The following FTO variants were observed in gnomAD, a reference collection of about 807,000 sequenced individuals.
FTO encodes the protein alpha-ketoglutarate-dependent dioxygenase FTO.
FTO carries 47 observed loss-of-function variants against 63.9 expected under a neutral mutation model. The observed-to-expected ratio is 0.74, with a 90% confidence interval of 0.58 to 0.94. The LOEUF (loss-of-function observed/expected upper bound fraction) is 0.94, where lower values mean the gene tolerates loss of function less well. FTO is among the 40% of genes least tolerant of loss of function. The probability of loss-of-function intolerance (pLI) is 0.00; values close to 1 mark genes in which losing one functional copy is unlikely to be tolerated. For synonymous variants in FTO, 207 were observed against 224.4 expected (o/e 0.92, Z 0.69); for missense variants, 562 against 618.1 (o/e 0.91, Z 0.96).
chr16:54,032,339 T>C (rs75288037), intron 8 of FTO, among the ~76,000 whole-genome samples: 3,678 of 152,266 alleles, frequency 0.024, 165 homozygotes, highest in African/African-American at 0.083. Context: ...TTCTCTGATA[T>C]CAAACCCAGA....
At chr16:53,796,452 A>G (rs1286694168) in intron 1 of FTO, among the ~76,000 whole-genome samples, 2 of 152,244 alleles carry the variant, frequency 1.3e-5, no homozygotes, top group Non-Finnish European at 2.9e-5. Flanking sequence ...TTGTTCTAAA[A>G]TGAATATAAA....
In FTO at chr16:53,790,789, T is replaced by TA. The variant is rs148398794; in HGVS notation, c.46-19351_46-19350insA. 7.3e-3 allele frequency among the ~76,000 whole-genome samples: 1,112 copies of TA among 152,220 alleles called. 12 individuals carry two copies. Among genetic ancestry groups the TA allele is most frequent in the African/African-American group, 0.025 (1,037 of 41,536 alleles). On this transcript the variant is annotated intron_variant, in intron 1 of 8. Coordinates refer to ENST00000471389, the MANE Select transcript of FTO (RefSeq NM_001080432.3). ...ATGAACTCATTTTAAGAAGATGAGATTGCCTAAAGGAAGAATGTTTTGTAG... is the reference window on the plus strand; with the variant it reads ...ATGAACTCATTTTAAGAAGATGAGATATGCCTAAAGGAAGAATGTTTTGTAG...
At chr16:53,994,171 C>G (rs2083878844) in intron 8 of FTO, 1 of 152,270 alleles carries the variant, frequency 6.6e-6, no homozygotes, top group Non-Finnish European at 1.5e-5. Context: ...AAAGTCCTTA[C>G]ATGCGTTTCA....
In FTO at chr16:54,028,356, C is replaced by T. The variant is rs867505932; in HGVS notation, c.1365-83406C>T. ...CCAGGATCCTCCCTCCTCCTCTCAC[C>T]GTTTTCAGAATATGTTGGGTGGAGT... On this transcript the variant is annotated intron_variant, in intron 8 of 8. Coordinates refer to ENST00000471389, the MANE Select transcript of FTO (RefSeq NM_001080432.3). 7.9e-5 allele frequency among the ~76,000 whole-genome samples: 12 copies of T among 152,240 alleles called. No individual in the cohort carries two copies. In the South Asian group the frequency reaches 8.3e-4, roughly 11 times the overall value.
intron 3 of FTO, among the ~76,000 whole-genome samples, chr16:53,833,560 A>ACG (rs2079200941): frequency 6.6e-6 from 1 of 152,064 alleles, no homozygotes; most frequent in Non-Finnish European, 1.5e-5. Context: ...TTGTGTGTAT[A>ACG]CTTTTTTTGT....
chr16:53,860,714 C>T (rs557296856), intron 4 of FTO, among the ~76,000 whole-genome samples: 26 of 152,074 alleles, frequency 1.7e-4, no homozygotes, highest in African/African-American at 4.1e-4. Context: ...CATGAGAAAC[C>T]GCCATGATCC....
intron 2 of FTO, among the ~76,000 whole-genome samples, chr16:53,819,986 A>G (rs9925952): frequency 0.77 from 116,433 of 151,216 alleles, 44,892 homozygotes; most frequent in African/African-American, 0.83. Context: ...GCTATAACAG[A>G]TACTAATGCT....
chr16:54,085,815 G>A (rs1005365578), intron 8 of FTO, among the ~76,000 whole-genome samples: 2 of 152,094 alleles, frequency 1.3e-5, no homozygotes, highest in South Asian at 2.1e-4. Flanking sequence ...GTTATTCACC[G>A]CACCCTCTCT....
At chr16:53,858,440 T>C (rs1034910134) in intron 4 of FTO, among the ~76,000 whole-genome samples, 3 of 152,218 alleles carry the variant, frequency 2.0e-5, no homozygotes, top group Admixed American at 1.3e-4. Context: ...GAGCTTTGGC[T>C]AGTTTTGTAA....
At chr16:53,765,899 T>C (rs1364533929) in intron 1 of FTO, among the ~76,000 whole-genome samples, 2 of 152,168 alleles carry the variant, frequency 1.3e-5, no homozygotes, top group African/African-American at 2.4e-5. Flanking sequence ...CCAAGTCCCA[T>C]TGGAAATCAC....
At chr16:53,865,369 C>G (rs1480166231) in intron 4 of FTO, among the ~76,000 whole-genome samples, 1 of 152,188 alleles carries the variant, frequency 6.6e-6, no homozygotes, top group African/African-American at 2.4e-5. Flanking sequence ...TTAGGCCTTA[C>G]AGCCACACTT....
chr16:54,057,607 G>T (rs1214603034), intron 8 of FTO, among the ~76,000 whole-genome samples: 1 of 151,540 alleles, frequency 6.6e-6, no homozygotes, highest in Non-Finnish European at 1.5e-5. Context: ...GGGACTATGG[G>T]CACGGGCCAC....
intron 7 of FTO, among the ~76,000 whole-genome samples, chr16:53,928,796 G>T (rs896069814): frequency 2.6e-5 from 4 of 151,884 alleles, no homozygotes; most frequent in African/African-American, 9.7e-5. Flanking sequence ...AATAAAATTG[G>T]CCTTATTTTG....
intron 8 of FTO, among the ~76,000 whole-genome samples, chr16:54,054,923 A>G (rs964695975): frequency 1.3e-4 from 20 of 152,218 alleles, no homozygotes; most frequent in African/African-American, 4.8e-4. Context: ...GAATCACCCC[A>G]TTGATACAAG....
At chr16:53,840,667 A>G (rs545334049) in intron 3 of FTO, among the ~76,000 whole-genome samples, 1 of 152,334 alleles carries the variant, frequency 6.6e-6, no homozygotes, top group African/African-American at 2.4e-5. Context: ...AAAGCAGGTC[A>G]CGGGACTGAT....
intron 4 of FTO, among the ~76,000 whole-genome samples, chr16:53,848,118 C>T (rs1208781914): frequency 6.6e-6 from 1 of 152,102 alleles, no homozygotes; most frequent in Non-Finnish European, 1.5e-5. Context: ...AATGAATCTT[C>T]CTTCATCTCT....
intron 4 of FTO, among the ~76,000 whole-genome samples, chr16:53,862,838 C>T (rs2080214778): frequency 6.6e-6 from 1 of 152,120 alleles, no homozygotes; most frequent in Admixed American, 6.5e-5. Context: ...AGCCACCATG[C>T]CCAGCCTGTA....
At chr16:53,804,200 G>A (rs1001533871) in intron 1 of FTO, among the ~76,000 whole-genome samples, 2 of 152,172 alleles carry the variant, frequency 1.3e-5, no homozygotes, top group African/African-American at 2.4e-5. Flanking sequence ...TGGCTCCTTA[G>A]GCTATACACA....
chr16:53,874,344 A>G (rs1273656981), intron 5 of FTO, among the ~76,000 whole-genome samples: 1 of 152,228 alleles, frequency 6.6e-6, no homozygotes, highest in Non-Finnish European at 1.5e-5. Flanking sequence ...TCTGAGCTCC[A>G]CAGTTGTGTT....
Sources: allele counts gnomAD v4.1 joint callset (sites outside exome capture counted in the v4.1 genomes callset), GRCh38; gene constraint gnomAD v4.1.1; transcripts MANE v1.5; gene names NCBI Gene and HGNC (gene_info 2026-07-23, HGNC 2026-07-21).